The following GULP1 variants were observed in gnomAD, a reference collection of about 807,000 sequenced individuals.
GULP1 encodes GULP PTB domain containing engulfment adaptor 1.
A neutral mutation model predicts 40.9 loss-of-function variants in GULP1; 19 were observed. The observed-to-expected ratio is 0.46, with a 90% CI of 0.32 to 0.68. The LOEUF is 0.68. GULP1 is among the 30% of genes least tolerant of loss of function. GULP1 has a pLI of 0.03. For synonymous variants in GULP1, 119 were observed against 117.6 expected (o/e 1.01, Z -0.08); for missense variants, 312 against 362.2 (o/e 0.86, Z 1.12).
At chr2:188,525,829 G>A (rs946764132) in intron 5 of GULP1, among the ~76,000 whole-genome samples, 7 of 152,240 alleles carry the variant, frequency 4.6e-5, no homozygotes, top group Non-Finnish European at 8.8e-5. Context: ...TTTCTGTGTT[G>A]TATAACACTA....
chr2:188,310,463 C>A (rs947718234), intron 1 of GULP1, among the ~76,000 whole-genome samples: 2 of 152,102 alleles, frequency 1.3e-5, no homozygotes, highest in African/African-American at 4.8e-5. Context: ...GAAATAGAAT[C>A]ATGTGTAAAT....
intron 7 of GULP1, among the ~76,000 whole-genome samples, chr2:188,556,214 C>T (rs1253625336): frequency 1.3e-5 from 2 of 152,062 alleles, no homozygotes; most frequent in African/African-American, 4.8e-5. Flanking sequence ...GTCGTGAAGG[C>T]TTTCCTCATT....
Position 188,484,671 on chromosome 2 carries a change from G to A in GULP1, c.90+1179G>A, listed in dbSNP as rs951080880. Among the ~76,000 whole-genome samples the A allele has an allele frequency of 7.9e-5, 12 of 152,054 alleles. 1 individual carries two copies. The highest frequency in any genetic ancestry group is 7.2e-4 in the Admixed American group (11 of 15,246). On this transcript the variant is annotated intron_variant, in intron 4 of 11. Transcript: ENST00000409830. The stretch of plus-strand genomic sequence containing the variant: ...AATGTTTATTGAGGAGAAAATTAAC[G>A]GTGTTTGGTAGGAAACATCTAGAGT...
intron 2 of GULP1, among the ~76,000 whole-genome samples, chr2:188,410,986 C>A (rs2053797912): frequency 2.0e-5 from 3 of 152,122 alleles, no homozygotes; most frequent in Admixed American, 2.0e-4. Flanking sequence ...GGTCATAAGA[C>A]CTACTTTTGA....
At chr2:188,522,570 T>C (rs962844239) in intron 4 of GULP1, among the ~76,000 whole-genome samples, 186 bp from the exon 5 acceptor site, 5 of 151,884 alleles carry the variant, frequency 3.3e-5, no homozygotes, top group African/African-American at 1.2e-4. Context: ...TAACAGGAAG[T>C]ATAAATGATA....
intron 11 of GULP1, chr2:188,591,810 T>C (rs1184211890): frequency 6.6e-6 from 1 of 151,890 alleles, no homozygotes; most frequent in East Asian, 1.9e-4. Context: ...GATATGCTTT[T>C]CTATTTCAAA....
At chr2:188,350,383 G>T (rs543399768) in intron 1 of GULP1, among the ~76,000 whole-genome samples, 1 of 152,100 alleles carries the variant, frequency 6.6e-6, no homozygotes, top group Admixed American at 6.5e-5. Flanking sequence ...TGTGTTTTTA[G>T]TTTTCAGTGA....
At chr2:188,396,906 T>C (rs1312563050) in intron 2 of GULP1, among the ~76,000 whole-genome samples, 4 of 152,176 alleles carry the variant, frequency 2.6e-5, no homozygotes, top group Non-Finnish European at 4.4e-5. Context: ...CTCCCACTTT[T>C]ATATTGCCCA....
chr2:188,501,188 G>C (rs1432454407), intron 4 of GULP1, among the ~76,000 whole-genome samples: 1 of 151,884 alleles, frequency 6.6e-6, no homozygotes, highest in East Asian at 1.9e-4. Flanking sequence ...ACGTATCAAG[G>C]GAGGGACCCG....
chr2:188,307,497 A>G (rs1481261942), intron 1 of GULP1, among the ~76,000 whole-genome samples: 2 of 152,212 alleles, frequency 1.3e-5, no homozygotes, highest in South Asian at 2.1e-4. Flanking sequence ...AAATATTCAT[A>G]TGAAACAAAA....
At chr2:188,325,422 C>A (rs1485840912) in intron 1 of GULP1, among the ~76,000 whole-genome samples, 1 of 151,958 alleles carries the variant, frequency 6.6e-6, no homozygotes, top group Admixed American at 6.6e-5. Flanking sequence ...GTCTAGCCAA[C>A]TAGAATTACT....
chr2:188,593,785 T>C, intron 11 of GULP1, 155 bp from the exon 12 acceptor site: 1 of 574,102 alleles, frequency 1.7e-6, no homozygotes, highest in Non-Finnish European at 3.2e-6. Context: ...GCTATACACC[T>C]ATATAAAAAT....
chr2:188,456,927 C>A lies in GULP1; in HGVS notation c.-44-20732C>A, dbSNP rs138945824. ...ATGACTTGGATGTGAGACATGGAGT[C>A]AAAACAGATCATTTTGGAGGTTTAA... On this transcript the variant is annotated intron_variant, in intron 2 of 11. Coordinates refer to ENST00000409830, the MANE Select transcript of GULP1 (RefSeq NM_016315.4). 4.2e-3 allele frequency among the ~76,000 whole-genome samples: 641 copies of A among 152,194 alleles called. 10 individuals carry two copies. The highest frequency in any genetic ancestry group is 0.015 in the African/African-American group (608 of 41,524).
chr2:188,438,861 G>A (rs2057674522), intron 2 of GULP1, among the ~76,000 whole-genome samples: 1 of 151,860 alleles, frequency 6.6e-6, no homozygotes, highest in Non-Finnish European at 1.5e-5. Context: ...TTTCATGTCT[G>A]TAACAATAAA....
At chr2:188,489,873 A>G (rs2062194848) in intron 4 of GULP1, among the ~76,000 whole-genome samples, 1 of 152,102 alleles carries the variant, frequency 6.6e-6, no homozygotes, top group Non-Finnish European at 1.5e-5. Context: ...GTATGTGCTT[A>G]CAAAATACAA....
chr2:188,357,336 T>C (rs2045477828), intron 1 of GULP1, among the ~76,000 whole-genome samples: 1 of 152,072 alleles, frequency 6.6e-6, no homozygotes, highest in African/African-American at 2.4e-5. Context: ...CTAGAATATA[T>C]GATAAACTCA....
intron 2 of GULP1, among the ~76,000 whole-genome samples, chr2:188,466,735 C>G (rs1390329633): frequency 6.6e-6 from 1 of 151,882 alleles, no homozygotes; most frequent in Non-Finnish European, 1.5e-5. Flanking sequence ...TCTATTCCTA[C>G]CCTACCTACC....
intron 1 of GULP1, among the ~76,000 whole-genome samples, chr2:188,357,218 A>G (rs908048831): frequency 6.6e-6 from 1 of 152,184 alleles, no homozygotes; most frequent in Non-Finnish European, 1.5e-5. Flanking sequence ...GGATTATATC[A>G]AAGTAAAAGG....
intron 1 of GULP1, among the ~76,000 whole-genome samples, chr2:188,338,243 A>G (rs1285699259): frequency 6.6e-6 from 1 of 151,420 alleles, no homozygotes; most frequent in African/African-American, 2.4e-5. Flanking sequence ...ATTATTAACC[A>G]CAATCTTAAG....
Sources: gnomAD v4.1 joint callset for allele counts (sites outside exome capture counted in the v4.1 genomes callset) on GRCh38, gnomAD v4.1.1 for gene constraint, MANE v1.5 for transcripts, NCBI Gene and HGNC (gene_info 2026-07-23, HGNC 2026-07-21) for gene names.